The following DCAKD variants were observed in gnomAD, a reference collection of about 807,000 sequenced individuals.
DCAKD encodes the protein dephospho-CoA kinase domain-containing protein.
DCAKD carries 15 observed loss-of-function variants against 18.7 expected under a neutral mutation model. That is an observed-to-expected ratio of 0.80 (90% confidence interval 0.54 to 1.24). The LOEUF (loss-of-function observed/expected upper bound fraction) is 1.24, where lower values mean the gene tolerates loss of function less well. DCAKD is among the 50% of genes most tolerant of loss of function. DCAKD has a pLI of 0.00. For synonymous variants in DCAKD, 130 were observed against 133.0 expected (o/e 0.98, Z 0.16); for missense variants, 301 against 322.0 (o/e 0.93, Z 0.50).
At chr17:45,035,872 T>C (rs1247019310) in intron 1 of DCAKD, among the ~76,000 whole-genome samples, 1 of 152,196 alleles carries the variant, frequency 6.6e-6, no homozygotes, top group Admixed American at 6.5e-5. Context: ...GCACTAGGAC[T>C]GCCTGGGTAG....
intron 1 of DCAKD, among the ~76,000 whole-genome samples, chr17:45,041,104 G>C (rs567169759): frequency 6.6e-6 from 1 of 151,976 alleles, no homozygotes; most frequent in Non-Finnish European, 1.5e-5. Flanking sequence ...CCCTCGTCCC[G>C]GCCTGGCTTC....
At chr17:45,043,222 C>T (rs1412699324) in intron 1 of DCAKD, among the ~76,000 whole-genome samples, 2 of 151,336 alleles carry the variant, frequency 1.3e-5, no homozygotes, top group Non-Finnish European at 2.9e-5. Context: ...CGCCACTGCA[C>T]TCCAGCCTGG....
chr17:45,025,351 C>T (rs190725048), intron 4 of DCAKD, among the ~76,000 whole-genome samples: 212 of 152,166 alleles, frequency 1.4e-3, no homozygotes, highest in Admixed American at 3.4e-3. Flanking sequence ...ACAGACAAGC[C>T]CAAGGTGCTT....
chr17:45,043,213 G>A (rs545853496), intron 1 of DCAKD, among the ~76,000 whole-genome samples: 42 of 150,754 alleles, frequency 2.8e-4, no homozygotes, highest in African/African-American at 9.3e-4. Flanking sequence ...CTGAGATCGC[G>A]CCACTGCACT....
chr17:45,048,695 A>C (rs1466332843), intron 1 of DCAKD, among the ~76,000 whole-genome samples: 1 of 151,754 alleles, frequency 6.6e-6, no homozygotes, highest in African/African-American at 2.4e-5. Flanking sequence ...AATCCCAGCT[A>C]CTCAGGAGGC....
intron 4 of DCAKD, among the ~76,000 whole-genome samples, chr17:45,028,592 T>C (rs1328475721): frequency 1.3e-5 from 2 of 151,644 alleles, no homozygotes; most frequent in East Asian, 3.9e-4. Flanking sequence ...GTATTTTTAG[T>C]AGAGATGGGG....
chr17:45,048,575 T>G (rs2053623811), intron 1 of DCAKD, among the ~76,000 whole-genome samples: 1 of 152,084 alleles, frequency 6.6e-6, no homozygotes, highest in Admixed American at 6.5e-5. Context: ...AGGCAGACGT[T>G]GCAGTAAGCC....
chr17:45,026,704 C>T (rs2053063150), intron 4 of DCAKD: 1 of 985,394 alleles, frequency 1.0e-6, no homozygotes, highest in Non-Finnish European at 1.2e-6. Context: ...ATGAATTATA[C>T]GAGCTATAGA....
At chr17:45,033,960 T>G (rs757829352) in intron 3 of DCAKD, 2 of 1,573,538 alleles carry the variant, frequency 1.3e-6, no homozygotes, top group South Asian at 2.3e-5. Context: ...CTCGAAAGCC[T>G]CATGTGTCTC....
intron 1 of DCAKD, among the ~76,000 whole-genome samples, chr17:45,044,944 A>G (rs1418596855): frequency 6.6e-6 from 1 of 152,168 alleles, no homozygotes. Flanking sequence ...CTACCTAGGT[A>G]TGTCGACAGC....
In DCAKD at chr17:45,034,989, G is replaced by T; in HGVS notation, c.-104C>A. On this transcript the variant is annotated 5_prime_UTR_variant, in exon 2 of 5. Coordinates refer to ENST00000651974, the MANE Select transcript of DCAKD (RefSeq NM_001288655.2). ...GATGGGGGCGGTCCACCAGAGGAGT[G>T]CCAGAAGGACCTGCTTGGGAGAGGC... 1.6e-6 allele frequency: 2 copies of T among 1,221,026 alleles called. No homozygotes were observed. Among genetic ancestry groups the T allele is most frequent in the Non-Finnish European group, 2.4e-6 (2 of 850,978 alleles). 75.6% of individuals were successfully genotyped at this position (1,221,026 alleles called of 1,614,324 possible). A position where few individuals can be genotyped will look rare whatever the true frequency, so the allele number is the denominator to read the frequency against.
At chr17:45,031,989 G>A (rs1215993940) in intron 3 of DCAKD, 1 of 985,332 alleles carries the variant, frequency 1.0e-6, no homozygotes, top group Non-Finnish European at 1.2e-6. Context: ...TATTTAAGTG[G>A]TGGTGGTTGG....
Position 45,031,372 on chromosome 17 carries a change from C to A in DCAKD, c.317-1193G>T, listed in dbSNP as rs138607080. 7.4e-5 allele frequency: 73 copies of A among 983,302 alleles called. No homozygotes were observed. In the South Asian group the frequency reaches 2.3e-3, roughly 30 times the overall value. 60.9% of individuals were successfully genotyped at this position (983,302 alleles called of 1,614,324 possible). ...GACACACCTTGGTTGGTAGCCCCCC[C>A]ACCTTCCCCACCATGTGACCTTGGG... is the stretch of plus-strand genomic sequence containing the variant. On this transcript the variant is annotated intron_variant, in intron 3 of 4. Transcript: ENST00000651974.
chr17:45,046,396 T>A (rs558724089), intron 1 of DCAKD, among the ~76,000 whole-genome samples: 8 of 152,080 alleles, frequency 5.3e-5, no homozygotes, highest in Admixed American at 1.3e-4. Context: ...GGAGGGCTGA[T>A]CACGAGGTCA....
intron 1 of DCAKD, among the ~76,000 whole-genome samples, chr17:45,060,359 T>A (rs1051095364): frequency 6.6e-6 from 1 of 151,894 alleles, no homozygotes; most frequent in Admixed American, 6.6e-5. Flanking sequence ...CCCTCGTCTC[T>A]ACAAAAAATA....
chr17:45,024,706 C>T lies in DCAKD; in HGVS notation c.423G>A (p.Leu141=), dbSNP rs1487480540. The T allele has an allele frequency of 1.3e-6, 2 of 1,585,314 alleles. No homozygotes were observed. The highest frequency in any genetic ancestry group is 1.3e-5 in the African/African-American group (1 of 74,534). ...GGCTGTTCCGCCGCATCAGCCGTGCCAGCTGTGTGTCCCGGTCGCTAAGGA... is the reference window on the plus strand; with the variant it reads ...GGCTGTTCCGCCGCATCAGCCGTGCTAGCTGTGTGTCCCGGTCGCTAAGGA... The part of the protein sequence containing the change: ...VVVYCDRDTQ[L]ARLMRRNSLN... Residue 141 remains leucine, a synonymous_variant, in exon 5 of 5, where the codon CTG becomes CTA. Coordinates refer to ENST00000651974, the MANE Select transcript of DCAKD (RefSeq NM_001288655.2).
chr17:45,049,057 G>C (rs200815795), intron 1 of DCAKD, among the ~76,000 whole-genome samples: 1 of 151,934 alleles, frequency 6.6e-6, no homozygotes, highest in African/African-American at 2.4e-5. Flanking sequence ...ACTACAGCCT[G>C]GGTGACAGAG....
rs7223153 is a variant in DCAKD, at chr17:45,049,706, T to C, written c.-115+1655A>G. ...CTGTGCCAGCAGGTAATTTTCTTTTTCTTTTCCTTTTTTTTTTTTTTTTTT... is the reference window on the plus strand; with the variant it reads ...CTGTGCCAGCAGGTAATTTTCTTTTCCTTTTCCTTTTTTTTTTTTTTTTTT... On this transcript the variant is annotated intron_variant, in intron 1 of 4. Transcript: ENST00000651974. 1.7e-3 allele frequency among the ~76,000 whole-genome samples: 242 copies of C among 140,780 alleles called. 2 individuals are homozygous for C. The highest frequency in any genetic ancestry group is 6.0e-3 in the African/African-American group (223 of 37,042). 92.4% of individuals were successfully genotyped at this position (140,780 alleles called of 152,430 possible).
intron 1 of DCAKD, among the ~76,000 whole-genome samples, chr17:45,047,193 G>A (rs1355125954): frequency 2.0e-5 from 3 of 150,074 alleles, no homozygotes; most frequent in Non-Finnish European, 4.4e-5. Context: ...TTTTTCAATG[G>A]TTACAGCCAA....
Sources: gnomAD v4.1 joint callset for allele counts (sites outside exome capture counted in the v4.1 genomes callset) on GRCh38, gnomAD v4.1.1 for gene constraint, MANE v1.5 for transcripts, NCBI Gene and HGNC (gene_info 2026-07-23, HGNC 2026-07-21) for gene names.